The following PUM3 variants were observed in gnomAD, a reference collection of about 807,000 sequenced individuals.
PUM3 encodes the protein pumilio homolog 3.
A neutral mutation model predicts 84.0 loss-of-function variants in PUM3; 91 were observed. The ratio of observed to expected loss-of-function variants is 1.08; its 90% CI spans 0.91 to 1.29. The LOEUF (loss-of-function observed/expected upper bound fraction) is 1.29, where lower values mean the gene tolerates loss of function less well. Among genes scored for constraint, PUM3 ranks in the 50% most tolerant of loss-of-function variants. The pLI, the probability that PUM3 is intolerant of heterozygous loss-of-function variation, is 0.00. For synonymous variants in PUM3, 321 were observed against 266.7 expected (o/e 1.20, Z -1.98); for missense variants, 1,067 against 767.5 (o/e 1.39, Z -4.61).
chr9:2,815,849 T>C (rs921606906), intron 13 of PUM3, among the ~76,000 whole-genome samples: 1 of 152,228 alleles, frequency 6.6e-6, no homozygotes, highest in African/African-American at 2.4e-5. Context: ...GGCCCATTTA[T>C]TGTAATTTCT....
intron 14 of PUM3, among the ~76,000 whole-genome samples, chr9:2,811,840 CAAA>C (rs60586864): frequency 3.0e-5 from 3 of 101,190 alleles, no homozygotes; most frequent in African/African-American, 6.9e-5. Context: ...TGTGTAATAC[CAAA>C]AAAAAAAAAA....
chr9:2,829,099 A>G (rs1815904168), intron 8 of PUM3, among the ~76,000 whole-genome samples: 1 of 152,238 alleles, frequency 6.6e-6, no homozygotes, highest in African/African-American at 2.4e-5. Context: ...TTTTATAATT[A>G]GTTGGCTATT....
intron 13 of PUM3, among the ~76,000 whole-genome samples, chr9:2,818,767 A>C (rs1437604684): frequency 6.6e-6 from 1 of 152,210 alleles, no homozygotes; most frequent in East Asian, 1.9e-4. Flanking sequence ...TAAAACAGTC[A>C]AGGGTAAAGT....
At chr9:2,840,346 A>C (rs897248790) in intron 1 of PUM3, among the ~76,000 whole-genome samples, 1 of 152,192 alleles carries the variant, frequency 6.6e-6, no homozygotes, top group Non-Finnish European at 1.5e-5. Context: ...GAGGGGTACT[A>C]AAGAATCCAG....
At chr9:2,814,890 C>G (rs968044161) in intron 13 of PUM3, among the ~76,000 whole-genome samples, 3 of 151,850 alleles carry the variant, frequency 2.0e-5, no homozygotes, top group Admixed American at 2.0e-4. Context: ...CATTTTTTTC[C>G]TTGGTATAGG....
intron 13 of PUM3, among the ~76,000 whole-genome samples, chr9:2,815,384 G>A (rs183428522): frequency 1.1e-4 from 16 of 152,246 alleles, no homozygotes; most frequent in African/African-American, 3.6e-4. Flanking sequence ...AGAAAATGGG[G>A]AGGAAGTTCT....
chr9:2,804,828 G>C (rs539554345), intron 17 of PUM3, among the ~76,000 whole-genome samples: 1 of 152,180 alleles, frequency 6.6e-6, no homozygotes, highest in Non-Finnish European at 1.5e-5. Context: ...CTCAAGAGCA[G>C]GGACCGTATT....
At chr9:2,823,074 T>G (rs1446226195) in intron 12 of PUM3, among the ~76,000 whole-genome samples, 1 of 151,970 alleles carries the variant, frequency 6.6e-6, no homozygotes, top group Non-Finnish European at 1.5e-5. Flanking sequence ...TAGAAATTTG[T>G]TATCCATCAA....
At chr9:2,843,722 G>C (rs947691940) in intron 1 of PUM3, among the ~76,000 whole-genome samples, 1 of 151,868 alleles carries the variant, frequency 6.6e-6, no homozygotes, top group African/African-American at 2.4e-5. Flanking sequence ...GGGACCACAG[G>C]CGCCCGCCAC....
At chr9:2,812,167 T>C in intron 14 of PUM3, 53 bp downstream of exon 14, 2 of 1,499,444 alleles carry the variant, frequency 1.3e-6, no homozygotes, top group African/African-American at 1.4e-5. Flanking sequence ...AAGAATGCAC[T>C]ACTCAACATT....
rs141380780 is a variant in PUM3 at position 2,812,265 on chromosome 9, C to T, written c.1367G>A (p.Arg456Gln). Residue 456 changes from arginine (R) to glutamine (Q), a missense_variant, in exon 14 of 18, where the codon CGA becomes CAA. Arg to Gln is a conservative substitution (Grantham distance 43). Coordinates refer to ENST00000397885, the MANE Select transcript of PUM3 (RefSeq NM_014878.5). ...LSPRDPAHTV[R>Q]EIIEVLQKGD... The stretch of plus-strand genomic sequence containing the variant: ...TTTTTGCAGAACTTCAATGATTTCT[C>T]GTACTGTATGTGCAGGATCTCTGGG... The T allele has an allele frequency of 1.6e-4, 252 of 1,613,456 alleles. 2 individuals are homozygous for T. In the African/African-American group the frequency reaches 2.5e-3, roughly 16 times the overall value.
At chr9:2,834,940 T>C (rs1277291439) in intron 3 of PUM3, among the ~76,000 whole-genome samples, 1 of 151,066 alleles carries the variant, frequency 6.6e-6, no homozygotes, top group Non-Finnish European at 1.5e-5. Context: ...CATGAGTATC[T>C]GGCACAGAAT....
At chr9:2,805,228 G>C (rs188399916) in intron 17 of PUM3, among the ~76,000 whole-genome samples, 174 of 152,290 alleles carry the variant, frequency 1.1e-3, no homozygotes, top group African/African-American at 4.0e-3. Context: ...CTTAATAAAT[G>C]TTAGCCATTC....
chr9:2,830,392 A>G (rs984345842), intron 7 of PUM3, among the ~76,000 whole-genome samples: 2 of 152,188 alleles, frequency 1.3e-5, no homozygotes, highest in Non-Finnish European at 2.9e-5. Context: ...ATTGGTCAAG[A>G]CAAGTACTAA....
chr9:2,822,682 A>C (rs1310806185), intron 12 of PUM3, among the ~76,000 whole-genome samples: 3 of 149,426 alleles, frequency 2.0e-5, no homozygotes, highest in African/African-American at 7.3e-5. Context: ...AATTTACTTA[A>C]TATTGAATTA....
chr9:2,837,502 T>G lies in PUM3; in HGVS notation c.83-101A>C, dbSNP rs989088392. The G allele has an allele frequency of 5.7e-6, 4 of 699,124 alleles. No homozygotes were observed. The African/African-American group carries it at 7.2e-5, about 13-fold the overall frequency. The allele number at this position is 699,124 out of a possible 1,614,324, so 43.3% of individuals were successfully genotyped here. On this transcript the variant is annotated intron_variant, in intron 2 of 17. Coordinates refer to ENST00000397885, the MANE Select transcript of PUM3 (RefSeq NM_014878.5). ...AGAAAATTATACTTTTTAATCCCAATACCATGTCTTACTCTCAAATATGCA... is the reference window on the plus strand; with the variant it reads ...AGAAAATTATACTTTTTAATCCCAAGACCATGTCTTACTCTCAAATATGCA...
intron 2 of PUM3, 48 bp from the exon 3 acceptor site, chr9:2,837,449 CTT>C: frequency 7.9e-7 from 1 of 1,258,322 alleles, no homozygotes; most frequent in Non-Finnish European, 1.1e-6. Flanking sequence ...GCCCAAATCT[CTT>C]TTATCTATTG....
At chr9:2,835,471 C>A (rs916889042) in intron 3 of PUM3, among the ~76,000 whole-genome samples, 1 of 152,128 alleles carries the variant, frequency 6.6e-6, no homozygotes, top group Non-Finnish European at 1.5e-5. Flanking sequence ...ATTATGTTTG[C>A]TCATGAAATT....
intron 13 of PUM3, among the ~76,000 whole-genome samples, chr9:2,813,251 G>A (rs1821406759): frequency 6.6e-6 from 1 of 152,136 alleles, no homozygotes; most frequent in South Asian, 2.1e-4. Flanking sequence ...GTGTAAATCT[G>A]CTGTTTTCAA....
Sources: allele counts gnomAD v4.1 joint callset (sites outside exome capture counted in the v4.1 genomes callset), GRCh38; gene constraint gnomAD v4.1.1; transcripts MANE v1.5; gene names NCBI Gene and HGNC (gene_info 2026-07-23, HGNC 2026-07-21).